The following CWC25 variants were observed in gnomAD, a reference collection of about 807,000 sequenced individuals.
CWC25 encodes CWC25 spliceosome associated protein.
In CWC25, 31 loss-of-function variants were observed where a neutral mutation model predicts 54.6. That is an observed-to-expected ratio of 0.57 (90% CI 0.43 to 0.77). CWC25 has a LOEUF of 0.77. Among genes scored for constraint, CWC25 ranks in the 30% least tolerant of loss-of-function variants. CWC25 has a pLI of 0.00. For synonymous variants in CWC25, 151 were observed against 187.0 expected (o/e 0.81, Z 1.57); for missense variants, 453 against 529.3 (o/e 0.86, Z 1.41).
At chr17:38,803,055 T>C (rs1218602470) in intron 8 of CWC25, among the ~76,000 whole-genome samples, 194 bp from the exon 9 acceptor site, 1 of 152,182 alleles carries the variant, frequency 6.6e-6, no homozygotes, top group African/African-American at 2.4e-5. Context: ...TTTAGTAAAG[T>C]ATTCCATAAT....
rs1910964554 is a variant in CWC25 at position 38,800,586 on chromosome 17, T to C, written c.*1506A>G. ...ATCGGGTTTCAAGCATTACAGTGCC[T>C]GGCATCATAAGTGTTCAAAAACAGA... On this transcript the variant is annotated 3_prime_UTR_variant, in exon 10 of 10. Coordinates refer to ENST00000614790, the MANE Select transcript of CWC25 (RefSeq NM_017748.5). The C allele has an allele frequency of 6.6e-6, 1 of 152,194 alleles. No homozygotes were observed. The highest frequency in any genetic ancestry group is 6.5e-5 in the Admixed American group (1 of 15,282). 9.4% of individuals were successfully genotyped at this position (152,194 alleles called of 1,614,324 possible). A position where few individuals can be genotyped will look rare whatever the true frequency, so the allele number is the denominator to read the frequency against.
intron 2 of CWC25, among the ~76,000 whole-genome samples, chr17:38,817,773 G>A (rs1249179651): frequency 8.0e-5 from 12 of 150,630 alleles, no homozygotes; most frequent in African/African-American, 2.2e-4. Flanking sequence ...GTGACAGAGC[G>A]AGACTCTGTC....
At chr17:38,802,316 C>T in intron 9 of CWC25, 110 bp from the exon 10 acceptor site, 2 of 704,408 alleles carry the variant, frequency 2.8e-6, no homozygotes, top group Admixed American at 5.3e-5. Flanking sequence ...TGTAAAAACA[C>T]AACCTCTTTT....
At chr17:38,810,943 A>ATTACTGGC (rs1349196943) in intron 4 of CWC25, among the ~76,000 whole-genome samples, 4 of 142,160 alleles carry the variant, frequency 2.8e-5, no homozygotes, top group Admixed American at 2.1e-4. Context: ...AAAAAAAAAG[A>ATTACTGGC]TTACTGGCTG....
rs1911269692 is a variant in CWC25 at position 38,806,939 on chromosome 17, G to C, written c.728C>G (p.Pro243Arg). 1.2e-6 allele frequency: 2 copies of C among 1,613,738 alleles called. No individual in the cohort carries two copies. The highest frequency in any genetic ancestry group is 1.7e-6 in the Non-Finnish European group (2 of 1,179,810). Reference sequence around the variant, plus strand: ...CCCTCTCTTTTGCTCTGCTGTCAGAGGACCCTGAAGACCCTGGTTACGGTC... The same window carrying C: ...CCCTCTCTTTTGCTCTGCTGTCAGACGACCCTGAAGACCCTGGTTACGGTC... Reference protein sequence around the residue: ...NSDRNQGLQGPLTAEQKRGHG... With the variant: ...NSDRNQGLQGRLTAEQKRGHG... The change falls in exon 7 of 10, where the codon CCT becomes CGT. Residue 243 changes from proline to arginine, a missense_variant. Physicochemically the swap from Pro to Arg is moderately radical, Grantham distance 103. Transcript: ENST00000614790.
rs188490611 is a variant in CWC25 at position 38,816,748 on chromosome 17, G to A, written c.192-1651C>T. Among the ~76,000 whole-genome samples, 22 of 150,758 alleles carry A rather than the reference G, an allele frequency of 1.5e-4. No homozygotes were observed. The East Asian group carries it at 1.8e-3, about 12-fold the overall frequency. ...TGCCCAGGCTGGAGTGCAGTGGAGC[G>A]ATCTTGGCTCACGGCAACCTCTGCC... On this transcript the variant is annotated intron_variant, in intron 2 of 9. Transcript: ENST00000614790.
chr17:38,814,925 A>T lies in CWC25; in HGVS notation c.364T>A (p.Ser122Thr). Residue 122 changes from serine to threonine, a missense_variant, in exon 3 of 10, where the codon TCA becomes ACA. Physicochemically the swap from Ser to Thr is moderately conservative, Grantham distance 58. This residue lies in a region of CWC25 where 444 missense variants were observed against 499.2 expected (regional missense o/e 0.89). Coordinates refer to ENST00000614790, the MANE Select transcript of CWC25 (RefSeq NM_017748.5). ...ATGTCAAGAAGGGAATTGGCACCTG[A>T]TGGGGCAAAGATAGAGCCTGGGAGA... Reference protein sequence around the residue: ...GLLPGSIFAPSGANSLLDMAS... With the variant: ...GLLPGSIFAPTGANSLLDMAS... 6.2e-7 allele frequency: 1 copy of T among 1,613,490 alleles called. No individual in the cohort carries two copies. The highest frequency in any genetic ancestry group is 8.5e-7 in the Non-Finnish European group (1 of 1,179,798).
At chr17:38,820,815 T>G in intron 2 of CWC25, 86 bp downstream of exon 2, 1 of 1,458,596 alleles carries the variant, frequency 6.9e-7, no homozygotes, top group Non-Finnish European at 9.2e-7. Context: ...CCTTAAGCAC[T>G]CAGCCATTAT....
chr17:38,823,434 G>A (rs1053138764), intron 1 of CWC25, among the ~76,000 whole-genome samples: 6 of 151,156 alleles, frequency 4.0e-5, no homozygotes, highest in African/African-American at 1.5e-4. Context: ...TGGGATTACA[G>A]GCATGAGCCA....
chr17:38,813,694 C>T (rs886746861), intron 3 of CWC25, among the ~76,000 whole-genome samples: 2 of 152,010 alleles, frequency 1.3e-5, no homozygotes, highest in African/African-American at 4.8e-5. Context: ...TAGGCCCCCA[C>T]CACCATGCCT....
intron 1 of CWC25, among the ~76,000 whole-genome samples, chr17:38,824,601 G>C (rs1278400130): frequency 6.6e-6 from 1 of 151,976 alleles, no homozygotes; most frequent in Non-Finnish European, 1.5e-5. Flanking sequence ...CAGGAGAATC[G>C]CTTGAACCCA....
At chr17:38,823,825 C>T (rs1017542298) in intron 1 of CWC25, among the ~76,000 whole-genome samples, 2 of 152,206 alleles carry the variant, frequency 1.3e-5, no homozygotes, top group Non-Finnish European at 2.9e-5. Flanking sequence ...TTGGCTGTCA[C>T]AACTGGTGGA....
intron 2 of CWC25, among the ~76,000 whole-genome samples, chr17:38,818,523 C>T (rs1911792579): frequency 8.3e-6 from 1 of 121,186 alleles, no homozygotes; most frequent in Non-Finnish European, 1.6e-5. Flanking sequence ...ACCCGGGAGG[C>T]GGAGCTTGCA....
In CWC25 at chr17:38,821,041, G is replaced by C. The variant is rs1228255300; in HGVS notation, c.51C>G (p.Leu17=). 6.2e-7 allele frequency: 1 copy of C among 1,613,800 alleles called. No homozygotes were observed. The highest frequency in any genetic ancestry group is 8.5e-7 in the Non-Finnish European group (1 of 1,179,870). The change falls in exon 2 of 10, where the codon CTC becomes CTG. Residue 17 remains leucine, a synonymous_variant. Coordinates refer to ENST00000614790, the MANE Select transcript of CWC25 (RefSeq NM_017748.5). ...CCTTCCACACTTTCTCCACATTCCT[G>C]AGGGTCTGCGGGTGCCAGCTCTTCT... ...NLKKSWHPQT[L]RNVEKVWKAE...
intron 2 of CWC25, chr17:38,815,771 C>T: frequency 1.1e-6 from 1 of 890,402 alleles, no homozygotes; most frequent in East Asian, 6.3e-5. Context: ...CATTCTACAT[C>T]ACCATCTTAC....
In CWC25 at chr17:38,801,203, C is replaced by G. The variant is rs1342264344; in HGVS notation, c.*889G>C. On this transcript the variant is annotated 3_prime_UTR_variant, in exon 10 of 10. Transcript: ENST00000614790. The stretch of plus-strand genomic sequence containing the variant: ...AGTGAAGCCGCAAAATAAAAACTTC[C>G]ATTTTATTTTCCTTTAGGAGCCATG... 8.6e-5 allele frequency: 13 copies of G among 152,022 alleles called. No individual in the cohort carries two copies. The highest frequency in any genetic ancestry group is 2.6e-4 in the Admixed American group (4 of 15,246). 9.4% of individuals were successfully genotyped at this position (152,022 alleles called of 1,614,324 possible).
chr17:38,809,618 G>C, intron 6 of CWC25, 84 bp downstream of exon 6: 1 of 1,331,054 alleles, frequency 7.5e-7, no homozygotes, highest in African/African-American at 1.5e-5. Context: ...AGGCTTCACT[G>C]CCCACCTCCC....
chr17:38,804,624 T>A (rs1175381659), intron 8 of CWC25, among the ~76,000 whole-genome samples: 1 of 151,458 alleles, frequency 6.6e-6, no homozygotes, highest in Non-Finnish European at 1.5e-5. Flanking sequence ...CTGACCAATA[T>A]GGTGAAACCC....
At chr17:38,819,468 G>A (rs1486843510) in intron 2 of CWC25, among the ~76,000 whole-genome samples, 1 of 151,654 alleles carries the variant, frequency 6.6e-6, no homozygotes, top group Non-Finnish European at 1.5e-5. Context: ...CTGGGTTCAA[G>A]CGATTCTCCT....
Sources: gnomAD v4.1 joint callset for allele counts (sites outside exome capture counted in the v4.1 genomes callset) on GRCh38, gnomAD v4.1.1 for gene constraint, gnomAD v4.1.1 regional missense constraint, MANE v1.5 for transcripts, NCBI Gene and HGNC (gene_info 2026-07-23, HGNC 2026-07-21) for gene names.